NBEA: variants seen among roughly 807,000 people sequenced by gnomAD.
The protein encoded by NBEA is neurobeachin, also known as lysosomal-trafficking regulator 2.
Under a neutral mutation model 343.4 loss-of-function variants are expected in NBEA, and 44 were observed. The ratio of observed to expected loss-of-function variants is 0.13; its 90% CI spans 0.10 to 0.16. The LOEUF (loss-of-function observed/expected upper bound fraction) is 0.16. NBEA is among the 10% of genes least tolerant of loss of function. The pLI is 1.00. For synonymous variants in NBEA, 1,175 were observed against 1,238.7 expected, an observed-to-expected ratio of 0.95 and a Z score of 1.08; for missense variants, 2,555 against 3,631.3, an observed-to-expected ratio of 0.70 and a Z score of 7.62.
chr13:35,274,565 A>G (rs1594037856), intron 34 of NBEA, among the ~76,000 whole-genome samples: 1 of 152,208 alleles, frequency 6.6e-6, no homozygotes, highest in Non-Finnish European at 1.5e-5. Flanking sequence ...GAAAAGAGGA[A>G]GTCAAATTGT....
intron 34 of NBEA, among the ~76,000 whole-genome samples, chr13:35,233,901 A>G (rs1167539983): frequency 6.6e-6 from 1 of 152,148 alleles, no homozygotes; most frequent in Non-Finnish European, 1.5e-5. Context: ...AGAGTGGTCA[A>G]TTTTAAATAG....
chr13:35,281,848 A>G (rs2035072260), intron 34 of NBEA, among the ~76,000 whole-genome samples: 1 of 152,072 alleles, frequency 6.6e-6, no homozygotes, highest in Admixed American at 6.6e-5. Flanking sequence ...GAAACTGTAT[A>G]CAAATTGTTC....
intron 16 of NBEA, among the ~76,000 whole-genome samples, chr13:35,119,972 C>T (rs1021654274): frequency 6.6e-6 from 1 of 152,280 alleles, no homozygotes; most frequent in African/African-American, 2.4e-5. Context: ...TTTCATATAG[C>T]TCAATCTAAT....
At position 35,158,777 on chromosome 13, in the gene NBEA, C is replaced by T. The variant is rs564080370; in HGVS notation, c.2845-239C>T. Among the ~76,000 whole-genome samples, 13 of 152,146 alleles carry T rather than the reference C, an allele frequency of 8.5e-5. No homozygotes were observed. In the South Asian group the frequency reaches 2.7e-3, roughly 32 times the overall value. On this transcript the variant is annotated intron_variant, in intron 21 of 58. Coordinates refer to ENST00000379939, the MANE Select transcript of NBEA (RefSeq NM_001385012.1). ...TAAAAGAAAATAGCTTTTAATATTG[C>T]TGAGTTATCTGTGTGATTTTGGCAA...
intron 26 of NBEA, 143 bp from the exon 27 acceptor site, chr13:35,173,321 A>G: frequency 1.5e-6 from 1 of 688,972 alleles, no homozygotes; most frequent in Non-Finnish European, 2.2e-6. Context: ...ATAATTTTGA[A>G]AATTATTGAT....
At chr13:35,102,156 T>A (rs1165562990) in intron 11 of NBEA, among the ~76,000 whole-genome samples, 1 of 151,686 alleles carries the variant, frequency 6.6e-6, no homozygotes, top group African/African-American at 2.4e-5. Context: ...GTCAAGGTTC[T>A]TTTTTTCCCC....
At chr13:35,376,145 A>G (rs1273266141) in intron 38 of NBEA, among the ~76,000 whole-genome samples, 1 of 152,144 alleles carries the variant, frequency 6.6e-6, no homozygotes. Flanking sequence ...TACTGCAACA[A>G]CTGAGCAGCT....
chr13:35,377,132 A>G (rs2041788482), intron 38 of NBEA, among the ~76,000 whole-genome samples: 2 of 152,204 alleles, frequency 1.3e-5, no homozygotes, highest in Non-Finnish European at 2.9e-5. Flanking sequence ...TTTGACCAAA[A>G]TAAAAAAAGT....
chr13:35,108,330 A>G (rs115829309), intron 11 of NBEA, among the ~76,000 whole-genome samples: 229 of 152,162 alleles, frequency 1.5e-3, no homozygotes, highest in African/African-American at 5.4e-3. Flanking sequence ...AGTTTGAATT[A>G]TCAGCTTTTA....
In NBEA at chr13:35,182,353, T is replaced by C. The variant is rs2071375814; in HGVS notation, c.4663-7T>C. 1 of 1,590,442 alleles carries C rather than the reference T, an allele frequency of 6.3e-7. No homozygotes were observed. Among genetic ancestry groups the C allele is most frequent in the Non-Finnish European group, 8.5e-7 (1 of 1,172,214 alleles). On this transcript the variant is annotated splice_polypyrimidine_tract_variant and splice_region_variant and intron_variant, in intron 28 of 58. Coordinates refer to ENST00000379939, the MANE Select transcript of NBEA (RefSeq NM_001385012.1). ...GAGTGTTAAAACTGTCTTTTCATTT[T>C]TCATAGGATGATAGCAAACAAGCAC...
intron 25 of NBEA, among the ~76,000 whole-genome samples, chr13:35,169,245 G>A (rs1259107730): frequency 6.6e-6 from 1 of 151,554 alleles, no homozygotes; most frequent in Non-Finnish European, 1.5e-5. Flanking sequence ...ACAGTCATAT[G>A]TACAATCAGA....
intron 48 of NBEA, among the ~76,000 whole-genome samples, chr13:35,627,137 T>A (rs1007911095): frequency 1.3e-5 from 2 of 152,190 alleles, no homozygotes; most frequent in Non-Finnish European, 2.9e-5. Flanking sequence ...TTCAACACCA[T>A]GGAAATCACA....
intron 17 of NBEA, among the ~76,000 whole-genome samples, chr13:35,134,314 C>CAACAA (rs1213970278): frequency 2.0e-5 from 3 of 150,738 alleles, no homozygotes; most frequent in Admixed American, 2.0e-4. Context: ...GATATATGTT[C>CAACAA]AATCTTACAT....
At chr13:35,005,414 G>GA (rs1214048071) in intron 1 of NBEA, among the ~76,000 whole-genome samples, 1 of 152,116 alleles carries the variant, frequency 6.6e-6, no homozygotes, top group African/African-American at 2.4e-5. Flanking sequence ...TTGGAGGAGA[G>GA]AGGGGACCAA....
chr13:35,484,234 A>G (rs894489044), intron 41 of NBEA, among the ~76,000 whole-genome samples: 313 of 124,820 alleles, frequency 2.5e-3, no homozygotes, highest in Middle Eastern at 4.4e-3. Context: ...CTACATTAAT[A>G]TGTGTGTGTG....
At chr13:35,174,272 A>G (rs755642345) in intron 27 of NBEA, among the ~76,000 whole-genome samples, 1 of 152,156 alleles carries the variant, frequency 6.6e-6, no homozygotes, top group African/African-American at 2.4e-5. Context: ...GCTAAAATCT[A>G]TGTAACTACT....
intron 38 of NBEA, among the ~76,000 whole-genome samples, chr13:35,379,948 C>G (rs1384066829): frequency 1.3e-5 from 2 of 152,054 alleles, no homozygotes; most frequent in Non-Finnish European, 2.9e-5. Context: ...CTTGGCTATT[C>G]TTGGCCTTTG....
At chr13:35,373,340 C>T (rs2041553507) in intron 38 of NBEA, among the ~76,000 whole-genome samples, 1 of 152,150 alleles carries the variant, frequency 6.6e-6, no homozygotes, top group Admixed American at 6.6e-5. Flanking sequence ...CCACATAACA[C>T]ATATTTTAAT....
chr13:35,122,979 T>C (rs2066885331), intron 16 of NBEA, among the ~76,000 whole-genome samples: 1 of 152,128 alleles, frequency 6.6e-6, no homozygotes, highest in Non-Finnish European at 1.5e-5. Context: ...TGCCTACCTA[T>C]CATCTAATTA....
Sources: gnomAD v4.1 joint callset for allele counts (sites outside exome capture counted in the v4.1 genomes callset) on GRCh38, gnomAD v4.1.1 for gene constraint, MANE v1.5 for transcripts, NCBI Gene and HGNC (gene_info 2026-07-23, HGNC 2026-07-21) for gene names.